The following TAX1BP1 variants were observed in gnomAD, a reference collection of about 807,000 sequenced individuals.
TAX1BP1 encodes Tax1 binding protein 1.
In TAX1BP1, 62 loss-of-function variants were observed where a neutral mutation model predicts 97.7. The observed-to-expected ratio is 0.63, with a 90% confidence interval of 0.52 to 0.78. TAX1BP1 has a LOEUF of 0.78. Among genes scored for constraint, TAX1BP1 ranks in the 30% least tolerant of loss-of-function variants. The probability of loss-of-function intolerance (pLI) is 0.00; values close to 1 mark genes in which losing one functional copy is unlikely to be tolerated. For missense variants in TAX1BP1, 867 were observed against 916.1 expected (o/e 0.95, Z 0.69); for synonymous variants, 340 against 304.2 (o/e 1.12, Z -1.23).
At chr7:27,769,938 G>T (rs1788783572) in intron 5 of TAX1BP1, 104 bp downstream of exon 5, 9 of 1,101,822 alleles carry the variant, frequency 8.2e-6, no homozygotes, top group Non-Finnish European at 1.2e-5. Context: ...CAGGTACTGA[G>T]AAAAGTAGCC....
intron 7 of TAX1BP1, among the ~76,000 whole-genome samples, chr7:27,786,485 A>T (rs1328351579): frequency 6.6e-6 from 1 of 152,134 alleles, no homozygotes; most frequent in Non-Finnish European, 1.5e-5. Flanking sequence ...ATTGTCAGTA[A>T]TGCTGTGGGT....
rs1789746106 is a variant in TAX1BP1 at position 27,792,241 on chromosome 7, T to G, written c.1263+11T>G. On this transcript the variant is annotated intron_variant, in intron 9 of 16. Coordinates refer to ENST00000396319, the MANE Select transcript of TAX1BP1 (RefSeq NM_006024.7). The stretch of plus-strand genomic sequence containing the variant: ...ATGAAAAAAGATCAGGTAAAACAAG[T>G]TAATTTTGAATTTGCATTTTGATTT... 1.3e-6 allele frequency: 2 copies of G among 1,584,592 alleles called. No individual in the cohort carries two copies. The highest frequency in any genetic ancestry group is 1.7e-6 in the Non-Finnish European group (2 of 1,163,688).
At chr7:27,818,681 G>A (rs1011321943) in intron 15 of TAX1BP1, among the ~76,000 whole-genome samples, 5 of 152,100 alleles carry the variant, frequency 3.3e-5, no homozygotes, top group African/African-American at 1.2e-4. Context: ...CCTAATGATT[G>A]TAATAACTTT....
At position 27,802,105 on chromosome 7, in the gene TAX1BP1, G is replaced by A. The variant is rs536369532; in HGVS notation, c.1764+2015G>A. On this transcript the variant is annotated intron_variant, in intron 13 of 16. Transcript: ENST00000396319. ...GAACTGTGAGCAGTCTTGATCATTA[G>A]GACTTGAGTATCTATAATGGAGTAG... 4.6e-5 allele frequency among the ~76,000 whole-genome samples: 7 copies of A among 152,316 alleles called. No homozygotes were observed. In the South Asian group the frequency reaches 1.5e-3, roughly 32 times the overall value.
intron 11 of TAX1BP1, among the ~76,000 whole-genome samples, chr7:27,795,758 TA>T (rs1789903634): frequency 6.6e-6 from 1 of 152,178 alleles, no homozygotes; most frequent in Non-Finnish European, 1.5e-5. Context: ...TTCACCGTGT[TA>T]GCCAGGATGG....
intron 2 of TAX1BP1, among the ~76,000 whole-genome samples, chr7:27,752,340 T>C (rs1331359260): frequency 6.6e-6 from 1 of 152,186 alleles, no homozygotes; most frequent in African/African-American, 2.4e-5. Flanking sequence ...TAATTGGTCT[T>C]GCTACTGTGG....
At chr7:27,777,740 C>T (rs1033913585) in intron 5 of TAX1BP1, among the ~76,000 whole-genome samples, 15 of 152,316 alleles carry the variant, frequency 9.8e-5, no homozygotes, top group African/African-American at 3.6e-4. Flanking sequence ...CCACTGGATT[C>T]TGCCTGAGTT....
chr7:27,760,874 A>G (rs1788401595), intron 3 of TAX1BP1, among the ~76,000 whole-genome samples: 1 of 152,198 alleles, frequency 6.6e-6, no homozygotes, highest in Non-Finnish European at 1.5e-5. Context: ...ACACACAGAA[A>G]TTTATGTCCC....
rs1427182856 is a variant in TAX1BP1, at chr7:27,829,679, CAAAGT to C, written c.*853_*857del. 1.3e-5 allele frequency: 2 copies of C among 152,048 alleles called. No homozygotes were observed. The highest frequency in any genetic ancestry group is 2.4e-5 in the African/African-American group (1 of 41,424). 9.4% of individuals were successfully genotyped at this position (152,048 alleles called of 1,614,324 possible). On this transcript the variant is annotated 3_prime_UTR_variant, in exon 17 of 17. Coordinates refer to ENST00000396319, the MANE Select transcript of TAX1BP1 (RefSeq NM_006024.7). ...AAAAGTACAATACATAAACCCAAAT[CAAAGT>C]AATGTGTTTCTTCAGTTATGTCTGT...
chr7:27,788,886 T>G (rs1047763634), intron 8 of TAX1BP1, among the ~76,000 whole-genome samples: 1 of 152,070 alleles, frequency 6.6e-6, no homozygotes, highest in Non-Finnish European at 1.5e-5. Context: ...ACTATGGGGC[T>G]GCTGCTTTGC....
intron 3 of TAX1BP1, among the ~76,000 whole-genome samples, chr7:27,760,241 TAACA>T (rs1389740176): frequency 6.6e-6 from 1 of 152,108 alleles, no homozygotes; most frequent in Non-Finnish European, 1.5e-5. Context: ...AAATTTGTTT[TAACA>T]AACTAAAAGA....
intron 1 of TAX1BP1, among the ~76,000 whole-genome samples, chr7:27,744,770 C>G (rs374641190): frequency 6.6e-6 from 1 of 152,106 alleles, no homozygotes; most frequent in African/African-American, 2.4e-5. Flanking sequence ...GAAATGCTTC[C>G]CTGCCCCCAC....
intron 5 of TAX1BP1, among the ~76,000 whole-genome samples, chr7:27,782,232 G>A (rs533824118): frequency 6.6e-6 from 1 of 151,212 alleles, no homozygotes; most frequent in African/African-American, 2.4e-5. Flanking sequence ...TTCTTTTCTT[G>A]TTTTATTTTA....
At chr7:27,806,088 G>A (rs1236694916) in intron 13 of TAX1BP1, among the ~76,000 whole-genome samples, 2 of 142,642 alleles carry the variant, frequency 1.4e-5, no homozygotes, top group Non-Finnish European at 3.1e-5. Flanking sequence ...TAGAGTTTCA[G>A]TTTTTTTTTT....
chr7:27,744,266 C>G (rs1024603490), intron 1 of TAX1BP1, among the ~76,000 whole-genome samples: 2 of 152,200 alleles, frequency 1.3e-5, no homozygotes, highest in African/African-American at 4.8e-5. Context: ...GCTGGGACTA[C>G]AGGCGCCTGC....
At position 27,810,339 on chromosome 7, in the gene TAX1BP1, A is replaced by G. The variant is rs73297516; in HGVS notation, c.1765-6010A>G. Among the ~76,000 whole-genome samples, 980 of 152,022 alleles carry G rather than the reference A, an allele frequency of 6.4e-3. 13 individuals are homozygous for G. Among genetic ancestry groups the G allele is most frequent in the African/African-American group, 0.023 (943 of 41,438 alleles). On this transcript the variant is annotated intron_variant, in intron 13 of 16. Coordinates refer to ENST00000396319, the MANE Select transcript of TAX1BP1 (RefSeq NM_006024.7). ...TTTCAGTCATGGCAAGAGATGAAGG[A>G]TATCTTTTGAATGCCTTTCTTGTTC...
At chr7:27,825,083 C>A (rs1413637420) in intron 15 of TAX1BP1, among the ~76,000 whole-genome samples, 2 of 151,946 alleles carry the variant, frequency 1.3e-5, no homozygotes, top group African/African-American at 4.8e-5. Flanking sequence ...TTTAATATAA[C>A]CTTGATGATT....
chr7:27,747,338 A>G (rs1787862656), intron 1 of TAX1BP1, among the ~76,000 whole-genome samples: 1 of 152,214 alleles, frequency 6.6e-6, no homozygotes, highest in Non-Finnish European at 1.5e-5. Context: ...AGTTTTTATA[A>G]TCTGCTTTCA....
Position 27,765,940 on chromosome 7 carries a change from T to G in TAX1BP1, c.372T>G (p.Ser124=), listed in dbSNP as rs1373500030. ...ASTPFQFRAS[S]PVEELLTMED... ...CACCTTTCCAGTTTCGAGCTTCTTCTCCAGTTGAAGAGCTGCTTACTATGG... is the reference window on the plus strand; with the variant it reads ...CACCTTTCCAGTTTCGAGCTTCTTCGCCAGTTGAAGAGCTGCTTACTATGG... The change falls in exon 4 of 17, where the codon TCT becomes TCG. Residue 124 remains serine (S), a synonymous_variant. Transcript: ENST00000396319. 1.2e-6 allele frequency: 2 copies of G among 1,614,070 alleles called. No individual in the cohort carries two copies. Among genetic ancestry groups the G allele is most frequent in the African/African-American group, 2.7e-5 (2 of 74,926 alleles).
Sources: gnomAD v4.1 joint callset for allele counts (sites outside exome capture counted in the v4.1 genomes callset) on GRCh38, gnomAD v4.1.1 for gene constraint, MANE v1.5 for transcripts, NCBI Gene and HGNC (gene_info 2026-07-23, HGNC 2026-07-21) for gene names.